ALG9: variants seen among roughly 807,000 people sequenced by gnomAD.
The protein encoded by ALG9 is alpha-1,2-mannosyltransferase ALG9.
ALG9 carries 55 observed loss-of-function variants against 81.8 expected under a neutral mutation model. That is an observed-to-expected ratio of 0.67 (90% CI 0.54 to 0.84). The LOEUF (loss-of-function observed/expected upper bound fraction) is 0.84. ALG9 is among the 40% of genes least tolerant of loss of function. ALG9 has a pLI of 0.00. For missense variants in ALG9, 629 were observed against 745.0 expected, an observed-to-expected ratio of 0.84 and a Z score of 1.81; for synonymous variants, 278 against 274.3, an observed-to-expected ratio of 1.01 and a Z score of -0.13.
intron 14 of ALG9, 117 bp from the exon 15 acceptor site, chr11:111,786,637 G>T: frequency 8.2e-7 from 1 of 1,220,142 alleles, no homozygotes; most frequent in Non-Finnish European, 1.1e-6. Context: ...TTATTCAAGT[G>T]GCACAGAAAA....
intron 6 of ALG9, among the ~76,000 whole-genome samples, 192 bp from the exon 7 acceptor site, chr11:111,853,928 T>C (rs1307920925): frequency 2.0e-5 from 3 of 152,124 alleles, no homozygotes; most frequent in Admixed American, 2.0e-4. Context: ...GCACAAGAAA[T>C]AGAATTACTG....
chr11:111,841,024 C>A (rs1956138121), intron 9 of ALG9, among the ~76,000 whole-genome samples: 1 of 152,112 alleles, frequency 6.6e-6, no homozygotes, highest in Non-Finnish European at 1.5e-5. Flanking sequence ...TAAACTCTAA[C>A]AACAAGCACA....
At chr11:111,860,978 CT>C (rs1555147413) in intron 4 of ALG9, among the ~76,000 whole-genome samples, 1 of 152,190 alleles carries the variant, frequency 6.6e-6, no homozygotes, top group Non-Finnish European at 1.5e-5. Context: ...TGGAACCCTA[CT>C]CTGGTTGAAT....
At chr11:111,798,348 T>C (rs960192837) in intron 14 of ALG9, among the ~76,000 whole-genome samples, 2 of 152,152 alleles carry the variant, frequency 1.3e-5, no homozygotes, top group African/African-American at 4.8e-5. Flanking sequence ...CCTCCCAACT[T>C]GTTTCCGAAG....
intron 2 of ALG9, 146 bp downstream of exon 2, chr11:111,870,086 A>C: frequency 1.6e-5 from 15 of 958,050 alleles, no homozygotes; most frequent in South Asian, 2.1e-5. Flanking sequence ...TGCTGGGATT[A>C]TAGGCCTGTT....
At chr11:111,807,586 C>T (rs1555086442) in intron 14 of ALG9, among the ~76,000 whole-genome samples, 1 of 152,124 alleles carries the variant, frequency 6.6e-6, no homozygotes, top group African/African-American at 2.4e-5. Context: ...TTATGTCTTC[C>T]CTACCCACCT....
chr11:111,816,873 A>C (rs1445887173), intron 13 of ALG9, among the ~76,000 whole-genome samples: 3 of 152,226 alleles, frequency 2.0e-5, no homozygotes, highest in Admixed American at 1.3e-4. Context: ...AGTCATTCTT[A>C]AACTTATAAT....
chr11:111,828,851 C>T (rs782614033), intron 13 of ALG9: 3 of 152,106 alleles, frequency 2.0e-5, no homozygotes, highest in Non-Finnish European at 4.4e-5. Context: ...TACAGTCCTC[C>T]GACCCAAAGA....
intron 11 of ALG9, 53 bp from the exon 12 acceptor site, chr11:111,837,668 A>C: frequency 1.3e-6 from 2 of 1,588,604 alleles, no homozygotes; most frequent in Non-Finnish European, 1.7e-6. Context: ...TGAGATTCTC[A>C]CTTTAATTAT....
At position 111,853,454 on chromosome 11, in the gene ALG9, T is replaced by C; in HGVS notation, c.821A>G (p.Tyr274Cys). ...VPVVVIDSYY[Y>C]GKLVIAPLNI... ...GAGTGGTGCAATCACCAACTTCCCA[T>C]AATAGTAGCTGTCAATGACCACCAC... Residue 274 changes from tyrosine to cysteine, a missense_variant, in exon 8 of 15, where the codon TAT (tyrosine) becomes TGT (cysteine). Physicochemically the swap from Tyr to Cys is radical, Grantham distance 194 (BLOSUM62 -2). Coordinates refer to ENST00000616540, the MANE Select transcript of ALG9 (RefSeq NM_024740.2). The C allele has an allele frequency of 6.2e-7, 1 of 1,614,080 alleles. No homozygotes were observed. Among genetic ancestry groups the C allele is most frequent in the Non-Finnish European group, 8.5e-7 (1 of 1,179,960 alleles).
At chr11:111,778,721 T>TA (rs1257964107), downstream of ALG9, among the ~76,000 whole-genome samples, 7 of 150,994 alleles carry the variant, frequency 4.6e-5, no homozygotes, top group East Asian at 1.9e-4. Flanking sequence ...CTGGAGAGTT[T>TA]AAAAAAAAAC....
chr11:111,847,186 G>A (rs1957068719), intron 8 of ALG9, among the ~76,000 whole-genome samples: 1 of 151,434 alleles, frequency 6.6e-6, no homozygotes. Context: ...CTAAGTTCAA[G>A]AGAAATGATT....
At chr11:111,855,174 T>C (rs1207294938) in intron 6 of ALG9, among the ~76,000 whole-genome samples, 1 of 152,224 alleles carries the variant, frequency 6.6e-6, no homozygotes, top group Non-Finnish European at 1.5e-5. Context: ...TTTTAGGGTC[T>C]GCAGGCCACA....
the ALG9 span, chr11:111,769,185 C>G: frequency 6.7e-6 from 1 of 149,694 alleles, no homozygotes; most frequent in African/African-American, 2.5e-5. Flanking sequence ...GTGGTGTGCA[C>G]CTATAGTCCC....
In ALG9 at chr11:111,870,254, T is replaced by C. The variant is rs782637989; in HGVS notation, c.248A>G (p.Glu83Gly). Reference sequence around the variant, plus strand: ...TACTGGCTCCCAGTAGTTGAATGTTTCATCACAGTCAGAGATGTTGCTCAG... The same window carrying C: ...TACTGGCTCCCAGTAGTTGAATGTTCCATCACAGTCAGAGATGTTGCTCAG... ...ALLSNISDCD[E>G]TFNYWEPTHY... Residue 83 changes from glutamate to glycine, a missense_variant, in exon 2 of 15, where the codon GAA becomes GGA. Physicochemically the swap from Glu to Gly is moderately conservative, Grantham distance 98. Around this residue, in one of 3 missense-constraint regions of ALG9, gnomAD observed 344 missense variants for 390.5 expected, o/e 0.88. Coordinates refer to ENST00000616540, the MANE Select transcript of ALG9 (RefSeq NM_024740.2). The C allele has an allele frequency of 6.2e-7, 1 of 1,610,496 alleles. No individual in the cohort carries two copies. The highest frequency in any genetic ancestry group is 1.3e-5 in the African/African-American group (1 of 74,616).
At chr11:111,811,878 T>C (rs1451516900) in intron 13 of ALG9, among the ~76,000 whole-genome samples, 2 of 152,020 alleles carry the variant, frequency 1.3e-5, no homozygotes, top group Non-Finnish European at 2.9e-5. Context: ...TGGGTTTTTT[T>C]GGGGGGGAGG....
chr11:111,843,696 G>A (rs953485764), intron 9 of ALG9, among the ~76,000 whole-genome samples: 2 of 152,266 alleles, frequency 1.3e-5, no homozygotes, highest in South Asian at 4.1e-4. Context: ...AGAGGCACTA[G>A]ATATCCAGAG....
At chr11:111,844,928 T>G (rs1430268597) in intron 8 of ALG9, among the ~76,000 whole-genome samples, 7 of 152,114 alleles carry the variant, frequency 4.6e-5, no homozygotes, top group African/African-American at 1.7e-4. Context: ...GTCATGAGGA[T>G]TTAGGGAGAA....
intron 6 of ALG9, 144 bp from the exon 7 acceptor site, chr11:111,853,880 G>A (rs1014605585): frequency 2.7e-5 from 20 of 742,712 alleles, no homozygotes; most frequent in South Asian, 7.6e-5. Context: ...AGAGGATGTC[G>A]TCACAGGACC....
Sources: gnomAD v4.1 joint callset for allele counts (sites outside exome capture counted in the v4.1 genomes callset) on GRCh38, gnomAD v4.1.1 for gene constraint, gnomAD v4.1.1 regional missense constraint, MANE v1.5 for transcripts, NCBI Gene and HGNC (gene_info 2026-07-23, HGNC 2026-07-21) for gene names.